Variants in NRDC observed in about 807,000 individuals in gnomAD.
NRDC encodes the protein nardilysin.
A neutral mutation model predicts 147.1 loss-of-function variants in NRDC; 54 were observed. The observed-to-expected ratio is 0.37, with a 90% CI of 0.29 to 0.46. The LOEUF (loss-of-function observed/expected upper bound fraction) is 0.46. Among genes scored for constraint, NRDC ranks in the 20% least tolerant of loss-of-function variants. NRDC has a pLI of 1.00. For synonymous variants in NRDC, 440 were observed against 482.1 expected (o/e 0.91, Z 1.14); for missense variants, 1,082 against 1,370.6 (o/e 0.79, Z 3.33).
chr1:51,858,795 C>T (rs72901937), intron 1 of NRDC, among the ~76,000 whole-genome samples: 5,071 of 152,224 alleles, frequency 0.033, 202 homozygotes, highest in South Asian at 0.095. Context: ...AATATACCTT[C>T]CTGGCATTTA....
rs752339338 is a variant in NRDC, at chr1:51,814,829, AAATT to A, written c.1440-20_1440-17del. 6.4e-7 allele frequency: 1 copy of A among 1,557,236 alleles called. No homozygotes were observed. Among genetic ancestry groups the A allele is most frequent in the Non-Finnish European group, 8.6e-7 (1 of 1,156,808 alleles). On this transcript the variant is annotated splice_polypyrimidine_tract_variant and intron_variant, in intron 11 of 30. Coordinates refer to ENST00000352171, the MANE Select transcript of NRDC (RefSeq NM_001101662.2). ...AGCCCAGCATCTACAGGTGGGGAAA[AAATT>A]AACCCAATCAATGTTCCTGGATTGA...
At chr1:51,799,347 G>C (rs138154498) in intron 21 of NRDC, among the ~76,000 whole-genome samples, 1 of 150,292 alleles carries the variant, frequency 6.7e-6, no homozygotes, top group African/African-American at 2.5e-5. Context: ...CCCTCCCCCA[G>C]CACCCCCACC....
At chr1:51,878,245 C>A (rs374873251) in intron 1 of NRDC, 30 bp downstream of exon 1, 1 of 1,584,680 alleles carries the variant, frequency 6.3e-7, no homozygotes, top group East Asian at 2.2e-5. Context: ...GCACACTGTT[C>A]GCCTCCCCAT....
rs778696033 is a variant in NRDC, at chr1:51,806,895, T to C, written c.2009A>G (p.Lys670Arg). The C allele has an allele frequency of 2.2e-5, 35 of 1,613,840 alleles. No individual in the cohort carries two copies. The highest frequency in any genetic ancestry group is 2.8e-5 in the Non-Finnish European group (33 of 1,179,830). Reference protein sequence around the residue: ...NKYIATDFTLKAFDCPETEYP... With the variant: ...NKYIATDFTLRAFDCPETEYP... ...TTCTGTTTCCGGGCAATCGAAAGCC[T>C]TCAACGTAAAGTCCGTGGCTAATAA... The change falls in exon 18 of 31, where the codon AAG (lysine) becomes AGG (arginine). Residue 670 changes from lysine (K) to arginine (R), a missense_variant. Around this residue, in one of 3 missense-constraint regions of NRDC, gnomAD observed 635 missense variants for 923.8 expected, o/e 0.69. Coordinates refer to ENST00000352171, the MANE Select transcript of NRDC (RefSeq NM_001101662.2).
chr1:51,865,492 G>A (rs1405254987), intron 1 of NRDC, among the ~76,000 whole-genome samples: 1 of 151,802 alleles, frequency 6.6e-6, no homozygotes, highest in Non-Finnish European at 1.5e-5. Flanking sequence ...TTGTAGAGAT[G>A]GGGTTTCACC....
At chr1:51,858,258 T>C (rs973878276) in intron 1 of NRDC, among the ~76,000 whole-genome samples, 1 of 152,134 alleles carries the variant, frequency 6.6e-6, no homozygotes, top group African/African-American at 2.4e-5. Context: ...AGCAGGAAGA[T>C]CGCTTGAGCA....
intron 21 of NRDC, chr1:51,799,253 T>A (rs959243264): frequency 6.6e-6 from 1 of 152,150 alleles, no homozygotes; most frequent in Non-Finnish European, 1.5e-5. Context: ...TGTGCAGGTT[T>A]GTTACATAGG....
At chr1:51,827,730 AAATGT>A in intron 5 of NRDC, 61 bp downstream of exon 5, 1 of 1,208,050 alleles carries the variant, frequency 8.3e-7, no homozygotes, top group Non-Finnish European at 1.2e-6. Flanking sequence ...AAAGAAGGAT[AAATGT>A]AATAAGTAAC....
chr1:51,802,745 T>C (rs1165178441), intron 20 of NRDC, among the ~76,000 whole-genome samples: 2 of 152,216 alleles, frequency 1.3e-5, no homozygotes, highest in African/African-American at 4.8e-5. Flanking sequence ...TACTCTTCTC[T>C]TGGGTTTTTG....
Position 51,857,378 on chromosome 1 carries a change from C to T in NRDC, c.342-16864G>A, listed in dbSNP as rs547323290. Among the ~76,000 whole-genome samples the T allele has an allele frequency of 7.9e-5, 12 of 152,292 alleles. No homozygotes were observed. In the East Asian group the frequency reaches 2.3e-3, roughly 29 times the overall value. On this transcript the variant is annotated intron_variant, in intron 1 of 30. Coordinates refer to ENST00000352171, the MANE Select transcript of NRDC (RefSeq NM_001101662.2). ...TGTCCATAAATCTTCAATCATGGGA[C>T]TGCACCAGAGCCTCTCTGAACCTAT...
chr1:51,790,271 T>C lies in NRDC; in HGVS notation c.3168+262A>G, dbSNP rs78198038. 0.016 allele frequency among the ~76,000 whole-genome samples: 2,461 copies of C among 152,338 alleles called. 31 individuals carry two copies. Among genetic ancestry groups the C allele is most frequent in the Non-Finnish European group, 0.026 (1,787 of 68,038 alleles). On this transcript the variant is annotated intron_variant, in intron 29 of 30. Transcript: ENST00000352171. ...AACTCTTTTTCTCCACAAAATCTTG[T>C]AGACCTCAATATATAGCATAAAAAT...
intron 1 of NRDC, among the ~76,000 whole-genome samples, chr1:51,851,129 T>C (rs1681926498): frequency 6.6e-6 from 1 of 152,188 alleles, no homozygotes; most frequent in African/African-American, 2.4e-5. Context: ...ACCGTTGGCC[T>C]GTGGTGCTTC....
intron 1 of NRDC, among the ~76,000 whole-genome samples, chr1:51,857,187 T>G (rs1272971567): frequency 6.6e-6 from 1 of 152,232 alleles, no homozygotes; most frequent in Non-Finnish European, 1.5e-5. Context: ...CTTAACTAGA[T>G]GTATAAACAG....
At position 51,789,290 on chromosome 1, in the gene NRDC, GA is replaced by G; in HGVS notation, c.3401del (p.Ile1134ThrfsTer16). 2 of 1,614,176 alleles carry G rather than the reference GA, an allele frequency of 1.2e-6. No individual in the cohort carries two copies. The highest frequency in any genetic ancestry group is 1.7e-6 in the Non-Finnish European group (2 of 1,180,006). On this transcript the variant is annotated frameshift_variant, in exon 31 of 31. Transcript: ENST00000352171. LOFTEE classifies it high-confidence loss of function. ...GGTTGAGTGTTGTTGTGAAAGCCCTGATATCAGTAATGGGGATGATACAATC... is the reference window on the plus strand; with the variant it reads ...GGTTGAGTGTTGTTGTGAAAGCCCTGTATCAGTAATGGGGATGATACAATC... ...LADCIIPITDIRAFTTTLNLL... is the reference protein window; with the variant it reads ...LADCIIPITDXRAFTTTLNLL...
chr1:51,854,823 AAAGAT>A (rs1682154139), intron 1 of NRDC, among the ~76,000 whole-genome samples: 1 of 152,184 alleles, frequency 6.6e-6, no homozygotes, highest in Non-Finnish European at 1.5e-5. Context: ...TATAAAAACT[AAAGAT>A]AATACCTTAA....
chr1:51,826,635 C>T (rs76091934), intron 5 of NRDC, among the ~76,000 whole-genome samples: 3,908 of 152,150 alleles, frequency 0.026, 105 homozygotes, highest in Admixed American at 0.08. Context: ...ATTTATCAGC[C>T]GGGCGCAGTG....
chr1:51,877,953 C>G (rs1420452732), intron 1 of NRDC: 1 of 1,094,968 alleles, frequency 9.1e-7, no homozygotes, highest in Non-Finnish European at 1.1e-6. Flanking sequence ...GTCAACCTTT[C>G]CTGGTAACAT....
intron 1 of NRDC, among the ~76,000 whole-genome samples, chr1:51,865,359 C>T (rs935984306): frequency 6.6e-6 from 1 of 151,208 alleles, no homozygotes; most frequent in Non-Finnish European, 1.5e-5. Flanking sequence ...GGTTAGAGTG[C>T]AATGGCGTGA....
intron 1 of NRDC, among the ~76,000 whole-genome samples, chr1:51,875,863 T>A (rs1482962830): frequency 6.6e-6 from 1 of 152,120 alleles, no homozygotes; most frequent in Non-Finnish European, 1.5e-5. Flanking sequence ...CTAATTTTTT[T>A]TTTTATGTGT....
Sources: allele counts gnomAD v4.1 joint callset (sites outside exome capture counted in the v4.1 genomes callset), GRCh38; gene constraint gnomAD v4.1.1; regional missense constraint gnomAD v4.1.1; transcripts MANE v1.5; gene names NCBI Gene and HGNC (gene_info 2026-07-23, HGNC 2026-07-21).